The following MEGF11 variants were observed in gnomAD, a reference collection of about 807,000 sequenced individuals.
MEGF11 encodes the protein multiple epidermal growth factor-like domains protein 11.
MEGF11 carries 126 observed loss-of-function variants against 146.6 expected under a neutral mutation model. The ratio of observed to expected loss-of-function variants is 0.86; its 90% confidence interval spans 0.74 to 1.00. The LOEUF (loss-of-function observed/expected upper bound fraction) is 1.00, where lower values mean the gene tolerates loss of function less well. MEGF11 is among the 50% of genes least tolerant of loss of function. The pLI, the probability that MEGF11 is intolerant of heterozygous loss-of-function variation, is 0.00. For synonymous variants in MEGF11, 532 were observed against 583.4 expected (o/e 0.91, Z 1.27); for missense variants, 1,509 against 1,521.2 (o/e 0.99, Z 0.13).
At chr15:65,915,692 C>A in intron 18 of MEGF11, 94 bp from the exon 19 acceptor site, 1 of 1,490,640 alleles carries the variant, frequency 6.7e-7, no homozygotes, top group Non-Finnish European at 9.1e-7. Flanking sequence ...CCTGTTTTGC[C>A]TCCCACTGAG....
At chr15:66,140,047 A>C (rs1416746741) in intron 1 of MEGF11, among the ~76,000 whole-genome samples, 4 of 151,948 alleles carry the variant, frequency 2.6e-5, no homozygotes, top group Non-Finnish European at 4.4e-5. Context: ...TCACCGGCGC[A>C]TTTCAACCAA....
rs775987292 is a variant in MEGF11, at chr15:65,911,995, C to T, written c.2829+87G>A. On this transcript the variant is annotated intron_variant, in intron 21 of 25. Transcript: ENST00000395614. The stretch of plus-strand genomic sequence containing the variant: ...AGTTCTACATGGACCCTCCATGTGG[C>T]GGGGGGCGTGCAGTTCCTTCCTGGG... The T allele has an allele frequency of 1.6e-4, 109 of 671,576 alleles. No individual in the cohort carries two copies. The Middle Eastern group carries it at 3.7e-3, about 23-fold the overall frequency. The allele number at this position is 671,576 out of a possible 1,614,324, so 41.6% of individuals were successfully genotyped here. A position where few individuals can be genotyped will look rare whatever the true frequency, so the allele number is the denominator to read the frequency against.
At chr15:66,186,998 C>G (rs2090726397) in intron 1 of MEGF11, among the ~76,000 whole-genome samples, 1 of 152,224 alleles carries the variant, frequency 6.6e-6, no homozygotes, top group South Asian at 2.1e-4. Flanking sequence ...ATTATTTAAC[C>G]TCTCTGAACC....
chr15:66,117,075 G>A (rs2140898957), intron 4 of MEGF11, among the ~76,000 whole-genome samples: 1 of 152,338 alleles, frequency 6.6e-6, no homozygotes, highest in South Asian at 2.1e-4. Context: ...CTTCCTCATA[G>A]GGCTGTTGGG....
chr15:65,928,569 C>T lies in MEGF11; in HGVS notation c.1573-42G>A, dbSNP rs780437834. 20 of 1,411,752 alleles carry T rather than the reference C, an allele frequency of 1.4e-5. No individual in the cohort carries two copies. The African/African-American group carries it at 2.7e-4, about 19-fold the overall frequency. 87.5% of individuals were successfully genotyped at this position (1,411,752 alleles called of 1,614,324 possible). A position where few individuals can be genotyped will look rare whatever the true frequency, so the allele number is the denominator to read the frequency against. On this transcript the variant is annotated intron_variant, in intron 12 of 25. Transcript: ENST00000395614. The stretch of plus-strand genomic sequence containing the variant: ...GAGAGAAAAATGATCAGACCCAAAC[C>T]TCCAGAGGTTTGTGTACTTCTATGG...
intron 5 of MEGF11, among the ~76,000 whole-genome samples, chr15:66,009,786 G>T (rs530077905): frequency 6.6e-6 from 1 of 151,950 alleles, no homozygotes; most frequent in Non-Finnish European, 1.5e-5. Flanking sequence ...AGTAGAGGCG[G>T]GGTTTCATCG....
rs532196740 is a variant in MEGF11, at chr15:66,211,518, A to C, written c.-9+42087T>G. On this transcript the variant is annotated intron_variant, in intron 1 of 25. Transcript: ENST00000395614. ...CAGCCTGGGTGACAGAGTGAGACTC[A>C]GTCTCAAAAAAAAAAAAAAAAAAGA... Among the ~76,000 whole-genome samples, 567 of 72,188 alleles carry C rather than the reference A, an allele frequency of 7.9e-3. 16 individuals carry two copies. The highest frequency in any genetic ancestry group is 0.07 in the Admixed American group (478 of 6,784). The allele number at this position is 72,188 out of a possible 152,430, so 47.4% of individuals were successfully genotyped here.
intron 5 of MEGF11, among the ~76,000 whole-genome samples, chr15:66,038,425 G>A (rs1427596193): frequency 2.6e-5 from 4 of 152,150 alleles, no homozygotes; most frequent in African/African-American, 9.7e-5. Context: ...ATGCCCTAAA[G>A]TCCCCTCAGT....
At chr15:65,993,715 C>G (rs890174158) in intron 5 of MEGF11, among the ~76,000 whole-genome samples, 10 of 152,326 alleles carry the variant, frequency 6.6e-5, no homozygotes, top group South Asian at 6.2e-4. Flanking sequence ...GCCATGTAGG[C>G]TCTGAGGGAA....
At chr15:65,908,014 G>A (rs2078682125) in intron 23 of MEGF11, among the ~76,000 whole-genome samples, 1 of 152,240 alleles carries the variant, frequency 6.6e-6, no homozygotes, top group African/African-American at 2.4e-5. Context: ...CAGGGTGGTG[G>A]TGGTGGGGCT....
At chr15:66,238,712 G>A (rs1046175783) in intron 1 of MEGF11, among the ~76,000 whole-genome samples, 54 of 152,200 alleles carry the variant, frequency 3.5e-4, no homozygotes, top group African/African-American at 1.3e-3. Flanking sequence ...ATATCAGCAT[G>A]TCTCACACCC....
intron 13 of MEGF11, among the ~76,000 whole-genome samples, chr15:65,925,827 C>T (rs991109534): frequency 6.6e-6 from 1 of 152,136 alleles, no homozygotes; most frequent in African/African-American, 2.4e-5. Flanking sequence ...CCGTTTAGGG[C>T]CCTCCTTCTC....
intron 5 of MEGF11, among the ~76,000 whole-genome samples, chr15:66,005,443 A>G (rs764836518): frequency 3.3e-5 from 5 of 152,230 alleles, no homozygotes; most frequent in Non-Finnish European, 7.3e-5. Context: ...GTGCAATACT[A>G]TAATTAGAAA....
chr15:66,085,207 A>G (rs969480447), intron 5 of MEGF11, among the ~76,000 whole-genome samples: 1 of 152,102 alleles, frequency 6.6e-6, no homozygotes, highest in Admixed American at 6.5e-5. Flanking sequence ...AGACATGCCT[A>G]TGCCCACCCC....
intron 1 of MEGF11, among the ~76,000 whole-genome samples, chr15:66,236,282 G>T (rs1265983460): frequency 6.6e-6 from 1 of 152,198 alleles, no homozygotes; most frequent in Non-Finnish European, 1.5e-5. Flanking sequence ...GGGTGAGGCT[G>T]CTGGGCCTTG....
chr15:66,212,077 C>T (rs1177659795), intron 1 of MEGF11, among the ~76,000 whole-genome samples: 1 of 3,874 alleles, frequency 2.6e-4, no homozygotes, highest in African/African-American at 9.5e-4. Flanking sequence ...GCCCAACCTC[C>T]CTCTCCTCCC....
At chr15:66,083,614 AAT>A (rs949154815) in intron 5 of MEGF11, among the ~76,000 whole-genome samples, 9 of 152,188 alleles carry the variant, frequency 5.9e-5, no homozygotes, top group Non-Finnish European at 1.0e-4. Flanking sequence ...TGAAAGAAAA[AAT>A]AGTTAAATTG....
chr15:66,195,026 CAAAA>C (rs2090975970), intron 1 of MEGF11, among the ~76,000 whole-genome samples: 1 of 150,996 alleles, frequency 6.6e-6, no homozygotes, highest in Non-Finnish European at 1.5e-5. Context: ...AAAAAAAAAA[CAAAA>C]GAAAGAAATG....
chr15:66,201,471 G>A (rs528715195), intron 1 of MEGF11, among the ~76,000 whole-genome samples: 4 of 152,220 alleles, frequency 2.6e-5, no homozygotes, highest in African/African-American at 9.6e-5. Context: ...CGGCACCCAG[G>A]GGTGCTGAGG....
Sources: gnomAD v4.1 joint callset for allele counts (sites outside exome capture counted in the v4.1 genomes callset) on GRCh38, gnomAD v4.1.1 for gene constraint, MANE v1.5 for transcripts, NCBI Gene and HGNC (gene_info 2026-07-23, HGNC 2026-07-21) for gene names.